The following CFAP61 variants were observed in gnomAD, a reference collection of about 807,000 sequenced individuals.
The protein encoded by CFAP61 is cilia- and flagella-associated protein 61.
A neutral mutation model predicts 135.6 loss-of-function variants in CFAP61; 107 were observed. The observed-to-expected ratio is 0.79, with a 90% CI of 0.67 to 0.93. The LOEUF is 0.93. CFAP61 is among the 40% of genes least tolerant of loss of function. The pLI, the probability that CFAP61 is intolerant of heterozygous loss-of-function variation, is 0.00. For missense variants in CFAP61, 1,507 were observed against 1,556.2 expected (o/e 0.97, Z 0.53); for synonymous variants, 575 against 578.5 (o/e 0.99, Z 0.09).
At chr20:20,098,556 C>T in intron 7 of CFAP61, 99 bp from the exon 8 acceptor site, 1 of 1,102,744 alleles carries the variant, frequency 9.1e-7, no homozygotes, top group Admixed American at 2.6e-5. Context: ...TTGCGGTGAG[C>T]CAAGATACAC....
Position 20,261,065 on chromosome 20 carries a change from T to C in CFAP61, c.2329-1891T>C, listed in dbSNP as rs990216918. Among the ~76,000 whole-genome samples the C allele has an allele frequency of 2.0e-5, 3 of 152,234 alleles. 1 individual carries two copies. The highest frequency in any genetic ancestry group is 4.4e-5 in the Non-Finnish European group (3 of 68,040). On this transcript the variant is annotated intron_variant, in intron 20 of 26. Transcript: ENST00000245957. ...TTTACCTCTGCAATTTTGGTTACAG[T>C]AAATGACCATTATTTATTTAGTTGT...
At chr20:20,325,078 C>CCTGGGCA (rs2057692357) in intron 25 of CFAP61, among the ~76,000 whole-genome samples, 1 of 152,078 alleles carries the variant, frequency 6.6e-6, no homozygotes, top group African/African-American at 2.4e-5. Context: ...TTGAGACCAG[C>CCTGGGCA]CTGGGCAACA....
At position 20,270,680 on chromosome 20, in the gene CFAP61, C is replaced by CT. The variant is rs74180986; in HGVS notation, c.2504-6469dup. On this transcript the variant is annotated intron_variant, in intron 21 of 26. Transcript: ENST00000245957. ...ACTTCTTGCATCTTGGTGCATTATT[C>CT]TTTTTTTTTTTTTTTTTAAGACAGA... Among the ~76,000 whole-genome samples, 1,015 of 146,004 alleles carry CT rather than the reference C, an allele frequency of 7.0e-3. 2 individuals carry two copies. Among genetic ancestry groups the CT allele is most frequent in the South Asian group, 0.014 (65 of 4,562 alleles).
intron 8 of CFAP61, among the ~76,000 whole-genome samples, chr20:20,134,012 T>A (rs2050736182): frequency 6.6e-6 from 1 of 152,240 alleles, no homozygotes; most frequent in Non-Finnish European, 1.5e-5. Flanking sequence ...GCATCCCATA[T>A]ACTAGACTTT....
At chr20:20,074,502 A>G (rs2045928675) in intron 4 of CFAP61, 124 bp downstream of exon 4, 1 of 773,960 alleles carries the variant, frequency 1.3e-6, no homozygotes, top group African/African-American at 1.7e-5. Context: ...TGGCTATATT[A>G]AAATATTTAC....
intron 8 of CFAP61, among the ~76,000 whole-genome samples, chr20:20,129,074 C>T (rs1277408410): frequency 1.3e-5 from 2 of 151,396 alleles, no homozygotes; most frequent in African/African-American, 4.9e-5. Context: ...GGACTTCATA[C>T]TAGAGTTATG....
chr20:20,178,651 T>C (rs1425279943), intron 13 of CFAP61, among the ~76,000 whole-genome samples: 2 of 145,886 alleles, frequency 1.4e-5, no homozygotes, highest in Non-Finnish European at 1.5e-5. Context: ...ATAAAATGCA[T>C]TTAGCTAGTT....
intron 25 of CFAP61, among the ~76,000 whole-genome samples, chr20:20,311,764 G>A (rs892295436): frequency 2.0e-5 from 3 of 152,198 alleles, no homozygotes; most frequent in Non-Finnish European, 4.4e-5. Flanking sequence ...GTCAGTCCAT[G>A]TGGGCAAGGA....
At chr20:20,287,198 A>G (rs775441569) in intron 22 of CFAP61, among the ~76,000 whole-genome samples, 17 of 152,184 alleles carry the variant, frequency 1.1e-4, no homozygotes, top group Non-Finnish European at 1.9e-4. Context: ...CAGAAAAAAA[A>G]AGAAAAAGAC....
intron 17 of CFAP61, among the ~76,000 whole-genome samples, chr20:20,210,360 G>A (rs918963949): frequency 6.6e-5 from 10 of 152,320 alleles, no homozygotes; most frequent in African/African-American, 2.2e-4. Context: ...GTCATTGGAA[G>A]CATCAACTTT....
chr20:20,052,584 C>T lies in CFAP61; in HGVS notation c.-44C>T, dbSNP rs1187125401. 3.1e-6 allele frequency: 5 copies of T among 1,613,816 alleles called. No homozygotes were observed. In the African/African-American group the frequency reaches 4.0e-5, roughly 13 times the overall value. On this transcript the variant is annotated 5_prime_UTR_variant, in exon 1 of 27. Coordinates refer to ENST00000245957, the MANE Select transcript of CFAP61 (RefSeq NM_015585.4). Reference sequence around the variant, plus strand: ...CGTGGAGTGCGGCGTCCTGGAGCTGCGGATGAGGTGGGTAACGCCGTGCTG... The same window carrying T: ...CGTGGAGTGCGGCGTCCTGGAGCTGTGGATGAGGTGGGTAACGCCGTGCTG...
At chr20:20,233,106 A>G (rs756731623) in intron 18 of CFAP61, among the ~76,000 whole-genome samples, 1 of 152,152 alleles carries the variant, frequency 6.6e-6, no homozygotes, top group Non-Finnish European at 1.5e-5. Context: ...TGTGGCAATG[A>G]CCACAACTCC....
intron 16 of CFAP61, among the ~76,000 whole-genome samples, chr20:20,197,574 G>GCA (rs986732147): frequency 1.3e-5 from 2 of 151,724 alleles, no homozygotes; most frequent in African/African-American, 4.8e-5. Flanking sequence ...ATGCATTCAT[G>GCA]CACATATACC....
intron 26 of CFAP61, among the ~76,000 whole-genome samples, chr20:20,349,259 G>A (rs553084296): frequency 2.0e-5 from 3 of 152,206 alleles, no homozygotes; most frequent in East Asian, 1.9e-4. Context: ...TTGGCTCATG[G>A]TTCTGCAGGC....
chr20:20,294,699 C>T (rs954662341), intron 24 of CFAP61, among the ~76,000 whole-genome samples: 5 of 151,884 alleles, frequency 3.3e-5, no homozygotes, highest in East Asian at 1.9e-4. Context: ...GAGGCCGAGG[C>T]GGGTGGATCA....
At chr20:20,115,409 T>A (rs1470373048) in intron 8 of CFAP61, among the ~76,000 whole-genome samples, 1 of 152,010 alleles carries the variant, frequency 6.6e-6, no homozygotes. Context: ...TTCATCACCT[T>A]AAATATTTGT....
chr20:20,359,841 C>A lies in CFAP61; in HGVS notation c.3514-369C>A, dbSNP rs1031788680. On this transcript the variant is annotated intron_variant, in intron 26 of 26. Coordinates refer to ENST00000245957, the MANE Select transcript of CFAP61 (RefSeq NM_015585.4). This position sits in a 1 kb window ranked among gnomAD's most constrained non-coding sequence, Gnocchi z 4.0. Reference sequence around the variant, plus strand: ...ACAGGGTTCCACTCATATGAGATGCCTGCGTAGTCACATTCATAGAGACAG... The same window carrying A: ...ACAGGGTTCCACTCATATGAGATGCATGCGTAGTCACATTCATAGAGACAG... Among the ~76,000 whole-genome samples, 3 of 152,108 alleles carry A rather than the reference C, an allele frequency of 2.0e-5. No individual in the cohort carries two copies. The highest frequency in any genetic ancestry group is 4.4e-5 in the Non-Finnish European group (3 of 68,014).
intron 24 of CFAP61, among the ~76,000 whole-genome samples, chr20:20,291,568 A>G (rs2054999564): frequency 1.3e-5 from 2 of 152,206 alleles, no homozygotes; most frequent in African/African-American, 2.4e-5. Flanking sequence ...CACCTACTGA[A>G]GGACATTAAG....
intron 25 of CFAP61, among the ~76,000 whole-genome samples, chr20:20,339,649 A>T (rs991057767): frequency 6.6e-6 from 1 of 151,032 alleles, no homozygotes; most frequent in Non-Finnish European, 1.5e-5. Context: ...ATTTTTTTTT[A>T]TTTTTTATTC....
Sources: allele counts gnomAD v4.1 joint callset (sites outside exome capture counted in the v4.1 genomes callset), GRCh38; gene constraint gnomAD v4.1.1; non-coding constraint Gnocchi (gnomAD v3.1); transcripts MANE v1.5; gene names NCBI Gene and HGNC (gene_info 2026-07-23, HGNC 2026-07-21).